The following GLG1 variants were observed in gnomAD, a reference collection of about 807,000 sequenced individuals.
GLG1 encodes Golgi apparatus protein 1.
In GLG1, 38 loss-of-function variants were observed where a neutral mutation model predicts 160.5. The ratio of observed to expected loss-of-function variants is 0.24; its 90% CI spans 0.18 to 0.31. The LOEUF is 0.31. Among genes scored for constraint, GLG1 ranks in the 10% least tolerant of loss-of-function variants. The probability of loss-of-function intolerance (pLI) is 1.00; values close to 1 mark genes in which losing one functional copy is unlikely to be tolerated. For synonymous variants in GLG1, 644 were observed against 543.4 expected (o/e 1.19, Z -2.57); for missense variants, 1,373 against 1,505.2 (o/e 0.91, Z 1.45).
chr16:74,463,094 T>G, intron 20 of GLG1: 2 of 498,622 alleles, frequency 4.0e-6, no homozygotes, highest in East Asian at 6.7e-5. Flanking sequence ...TTCTAGATTT[T>G]TCTTTCCAAG....
intron 1 of GLG1, among the ~76,000 whole-genome samples, chr16:74,566,033 G>A (rs140382314): frequency 3.5e-4 from 53 of 152,264 alleles, no homozygotes; most frequent in South Asian, 2.9e-3. Flanking sequence ...TTTGTGTGAC[G>A]TTTTCCTCAT....
chr16:74,466,029 G>T lies in GLG1; in HGVS notation c.2530-216C>A, dbSNP rs534770759. ...GACAAAAACTCAGGATGACTGGCAG[G>T]CTGTGCTCCAGCCTAATGGAAAAGA... On this transcript the variant is annotated intron_variant, in intron 18 of 25. Coordinates refer to ENST00000422840, the MANE Select transcript of GLG1 (RefSeq NM_001145667.2). Among the ~76,000 whole-genome samples the T allele has an allele frequency of 5.9e-5, 9 of 152,264 alleles. No individual in the cohort carries two copies. The South Asian group carries it at 1.9e-3, about 32-fold the overall frequency.
chr16:74,557,753 CT>C (rs202239553), intron 1 of GLG1, among the ~76,000 whole-genome samples: 275 of 143,310 alleles, frequency 1.9e-3, no homozygotes, highest in Admixed American at 2.0e-3. Context: ...TCCTGTGTGT[CT>C]TTTTTTTTTT....
At chr16:74,584,894 G>A (rs755207818) in intron 1 of GLG1, among the ~76,000 whole-genome samples, 11 of 139,456 alleles carry the variant, frequency 7.9e-5, no homozygotes, top group African/African-American at 1.1e-4. Flanking sequence ...CCAGCCTGGC[G>A]ACAGAGCGAG....
chr16:74,533,641 C>T (rs1369245924), intron 1 of GLG1, among the ~76,000 whole-genome samples: 5 of 151,968 alleles, frequency 3.3e-5, no homozygotes, highest in African/African-American at 9.7e-5. Flanking sequence ...ATTAGCCAGG[C>T]GTGGTGGCAC....
rs1208914991 is a variant in GLG1 at position 74,447,602 on chromosome 16, A to G, written c.*5565T>C. 1.3e-5 allele frequency: 2 copies of G among 152,270 alleles called. No individual in the cohort carries two copies. The highest frequency in any genetic ancestry group is 2.1e-4 in the South Asian group (1 of 4,836). The allele number at this position is 152,270 out of a possible 1,614,324, so 9.4% of individuals were successfully genotyped here. On this transcript the variant is annotated 3_prime_UTR_variant, in exon 26 of 26. Coordinates refer to ENST00000422840, the MANE Select transcript of GLG1 (RefSeq NM_001145667.2). Reference sequence around the variant, plus strand: ...TACATAGAAAGGAAACCCATTTACAAAAGAGGCTTGTTAATTGTATTTTTT... The same window carrying G: ...TACATAGAAAGGAAACCCATTTACAGAAGAGGCTTGTTAATTGTATTTTTT...
chr16:74,575,971 T>C (rs2143801886), intron 1 of GLG1, among the ~76,000 whole-genome samples: 1 of 152,102 alleles, frequency 6.6e-6, no homozygotes, highest in Middle Eastern at 3.4e-3. Flanking sequence ...GAGGCCAAGG[T>C]GGCAGATCAC....
intron 2 of GLG1, among the ~76,000 whole-genome samples, chr16:74,527,245 CTTTT>C (rs71158522): frequency 9.6e-5 from 8 of 83,098 alleles, no homozygotes; most frequent in South Asian, 8.5e-4. Flanking sequence ...TAAGTCAGTT[CTTTT>C]TTTTTTTTTT....
intron 4 of GLG1, among the ~76,000 whole-genome samples, chr16:74,497,221 G>A (rs62052086): frequency 0.084 from 12,653 of 151,376 alleles, 561 homozygotes; most frequent in African/African-American, 0.11. Flanking sequence ...CCCAGTAGGC[G>A]GAGGTTGCAG....
intron 8 of GLG1, 39 bp from the exon 9 acceptor site, chr16:74,485,956 C>T (rs921300925): frequency 3.1e-5 from 48 of 1,570,676 alleles, no homozygotes; most frequent in Non-Finnish European, 4.2e-5. Flanking sequence ...AAGAAAGTCA[C>T]TTAGGTGCTA....
intron 1 of GLG1, among the ~76,000 whole-genome samples, chr16:74,596,592 T>C (rs1388022179): frequency 1.3e-5 from 2 of 152,224 alleles, no homozygotes; most frequent in Non-Finnish European, 2.9e-5. Context: ...AATGTGTATT[T>C]TATACTTACA....
intron 2 of GLG1, among the ~76,000 whole-genome samples, chr16:74,530,027 T>C (rs1286084174): frequency 6.6e-6 from 1 of 151,886 alleles, no homozygotes; most frequent in Non-Finnish European, 1.5e-5. Context: ...CAGGCTGGTC[T>C]CAAACTCCCG....
At chr16:74,592,043 C>T (rs753169925) in intron 1 of GLG1, among the ~76,000 whole-genome samples, 5 of 152,158 alleles carry the variant, frequency 3.3e-5, no homozygotes, top group Non-Finnish European at 5.9e-5. Flanking sequence ...CACCGTATTG[C>T]CAAACTGGTC....
At chr16:74,457,723 G>C in intron 24 of GLG1, 151 bp downstream of exon 24, 1 of 603,940 alleles carries the variant, frequency 1.7e-6, no homozygotes, top group South Asian at 3.4e-5. Flanking sequence ...TCTAGTTTTG[G>C]CATCACCCAG....
rs192308472 is a variant in GLG1 at position 74,468,661 on chromosome 16, C to A, written c.2436+285G>T. On this transcript the variant is annotated intron_variant, in intron 17 of 25. Coordinates refer to ENST00000422840, the MANE Select transcript of GLG1 (RefSeq NM_001145667.2). ...GGATTACCTGCATGAGCCACAGCAC[C>A]CAGCCCCTGAGGACATTACTGATCC... 1,316 of 354,544 alleles carry A rather than the reference C, an allele frequency of 3.7e-3. 6 individuals carry two copies. Among genetic ancestry groups the A allele is most frequent in the Non-Finnish European group, 5.5e-3 (1,038 of 187,574 alleles). 22.0% of individuals were successfully genotyped at this position (354,544 alleles called of 1,614,324 possible).
chr16:74,575,503 G>A (rs977056610), intron 1 of GLG1, among the ~76,000 whole-genome samples: 5 of 152,198 alleles, frequency 3.3e-5, no homozygotes, highest in South Asian at 2.1e-4. Flanking sequence ...GAGGACTTTT[G>A]CTGGAAGCTA....
At chr16:74,543,940 T>A (rs953661368) in intron 1 of GLG1, among the ~76,000 whole-genome samples, 1 of 152,194 alleles carries the variant, frequency 6.6e-6, no homozygotes, top group African/African-American at 2.4e-5. Context: ...TTGACTCCAA[T>A]TGATTGCAAA....
At chr16:74,457,781 C>G (rs2014616830) in intron 24 of GLG1, 93 bp downstream of exon 24, 5 of 1,228,592 alleles carry the variant, frequency 4.1e-6, no homozygotes, top group Non-Finnish European at 5.8e-6. Context: ...ACAGACCATA[C>G]AGACCACAGT....
In GLG1 at chr16:74,508,930, A is replaced by T. The variant is rs1195957385; in HGVS notation, c.472-5T>A. 11 of 1,182,694 alleles carry T rather than the reference A, an allele frequency of 9.3e-6. No individual in the cohort carries two copies. The highest frequency in any genetic ancestry group is 5.4e-5 in the Admixed American group (3 of 55,440). 73.3% of individuals were successfully genotyped at this position (1,182,694 alleles called of 1,614,324 possible). A position where few individuals can be genotyped will look rare whatever the true frequency, so the allele number is the denominator to read the frequency against. On this transcript the variant is annotated splice_region_variant and splice_polypyrimidine_tract_variant and intron_variant, in intron 2 of 25. Coordinates refer to ENST00000422840, the MANE Select transcript of GLG1 (RefSeq NM_001145667.2). ...CAGCTTATAATTCCACAACAACTAG[A>T]TAGGAGAGGAAAAAAAAAAACAAAG...
Sources: gnomAD v4.1 joint callset for allele counts (sites outside exome capture counted in the v4.1 genomes callset) on GRCh38, gnomAD v4.1.1 for gene constraint, MANE v1.5 for transcripts, NCBI Gene and HGNC (gene_info 2026-07-23, HGNC 2026-07-21) for gene names.